RAB38: variants seen among roughly 807,000 people sequenced by gnomAD.
RAB38 encodes the protein RAB38, member RAS oncogene family.
Under a neutral mutation model 18.4 loss-of-function variants are expected in RAB38, and 15 were observed. The ratio of observed to expected loss-of-function variants is 0.82; its 90% confidence interval spans 0.55 to 1.26. The LOEUF (loss-of-function observed/expected upper bound fraction) is 1.26, where lower values mean the gene tolerates loss of function less well. RAB38 is among the 50% of genes most tolerant of loss of function. The pLI, the probability that RAB38 is intolerant of heterozygous loss-of-function variation, is 0.00. For synonymous variants in RAB38, 101 were observed against 104.4 expected (o/e 0.97, Z 0.20); for missense variants, 294 against 267.4 (o/e 1.10, Z -0.69).
chr11:87,886,830 T>G, the RAB38 span, among the ~76,000 whole-genome samples: 1 of 151,510 alleles, frequency 6.6e-6, no homozygotes, highest in African/African-American at 2.4e-5. Context: ...ACTTGTTTTT[T>G]TTTTTTTTTT....
At chr11:87,968,906 G>C in the RAB38 span, among the ~76,000 whole-genome samples, 1 of 152,134 alleles carries the variant, frequency 6.6e-6, no homozygotes, top group Non-Finnish European at 1.5e-5. Context: ...AACAGTAGGA[G>C]GATGGGGGGC....
chr11:88,140,958 C>T (rs1942904542), intron 2 of RAB38, among the ~76,000 whole-genome samples: 1 of 152,090 alleles, frequency 6.6e-6, no homozygotes, highest in South Asian at 2.1e-4. Flanking sequence ...TGAGTGATAT[C>T]CAAGTAGAGA....
At chr11:88,065,550 G>C in the RAB38 span, among the ~76,000 whole-genome samples, 2 of 152,208 alleles carry the variant, frequency 1.3e-5, no homozygotes, top group Non-Finnish European at 2.9e-5. Context: ...CTTTCGGGAA[G>C]AGTTAGAGCA....
At chr11:87,808,520 G>C in the RAB38 span, among the ~76,000 whole-genome samples, 1 of 152,170 alleles carries the variant, frequency 6.6e-6, no homozygotes. Flanking sequence ...GAAGAAGAAT[G>C]ATGGTCACCA....
the RAB38 span, among the ~76,000 whole-genome samples, chr11:87,963,904 C>T: frequency 6.6e-6 from 1 of 152,024 alleles, no homozygotes; most frequent in East Asian, 1.9e-4. Flanking sequence ...CATCGGCCTC[C>T]CAAAGTGCTG....
the RAB38 span, among the ~76,000 whole-genome samples, chr11:87,845,933 T>C: frequency 1.1e-4 from 17 of 152,202 alleles, no homozygotes; most frequent in African/African-American, 3.6e-4. Flanking sequence ...AATGCAAATA[T>C]CCTTCAGTAT....
chr11:88,143,243 A>C (rs1346618202), intron 2 of RAB38, among the ~76,000 whole-genome samples: 16 of 152,228 alleles, frequency 1.1e-4, no homozygotes, highest in Admixed American at 1.0e-3. Flanking sequence ...AGATTATTTC[A>C]AGGATAAGCT....
At chr11:88,117,001 T>C (rs1406688579) in intron 2 of RAB38, among the ~76,000 whole-genome samples, 1 of 152,082 alleles carries the variant, frequency 6.6e-6, no homozygotes, top group Non-Finnish European at 1.5e-5. Flanking sequence ...GTCATTTTAG[T>C]GAAAATATAA....
At chr11:87,951,650 G>A in the RAB38 span, among the ~76,000 whole-genome samples, 1 of 152,124 alleles carries the variant, frequency 6.6e-6, no homozygotes, top group Non-Finnish European at 1.5e-5. Flanking sequence ...GTTGGAGTTT[G>A]CTAGAGGTCC....
At chr11:88,022,852 TA>T in the RAB38 span, among the ~76,000 whole-genome samples, 1 of 152,154 alleles carries the variant, frequency 6.6e-6, no homozygotes, top group Non-Finnish European at 1.5e-5. Flanking sequence ...GCAATGAACA[TA>T]TGCATGCATG....
At chr11:88,033,412 T>C in the RAB38 span, among the ~76,000 whole-genome samples, 6 of 152,032 alleles carry the variant, frequency 3.9e-5, no homozygotes, top group African/African-American at 1.4e-4. Flanking sequence ...AGAAAGTATT[T>C]GATTAACATG....
the RAB38 span, among the ~76,000 whole-genome samples, chr11:88,007,918 C>T: frequency 6.6e-6 from 1 of 151,936 alleles, no homozygotes; most frequent in Non-Finnish European, 1.5e-5. Context: ...AAGGAATGAA[C>T]CACTGTAAAT....
At chr11:87,843,602 A>G in the RAB38 span, among the ~76,000 whole-genome samples, 1 of 152,222 alleles carries the variant, frequency 6.6e-6, no homozygotes, top group Non-Finnish European at 1.5e-5. Flanking sequence ...ACCCGATTTG[A>G]AATCTCAGCT....
the RAB38 span, among the ~76,000 whole-genome samples, chr11:88,075,400 G>T: frequency 6.6e-6 from 1 of 152,070 alleles, no homozygotes; most frequent in Non-Finnish European, 1.5e-5. Context: ...AGGAGCCTCA[G>T]AAGATATACA....
chr11:88,106,187 A>AG, the RAB38 span, among the ~76,000 whole-genome samples: 1 of 151,518 alleles, frequency 6.6e-6, no homozygotes, highest in Non-Finnish European at 1.5e-5. Flanking sequence ...TATCACAGAG[A>AG]GAAAAAAAAG....
chr11:88,122,386 A>T (rs1942641573), intron 2 of RAB38, among the ~76,000 whole-genome samples: 1 of 152,252 alleles, frequency 6.6e-6, no homozygotes, highest in Non-Finnish European at 1.5e-5. Context: ...AAGAAAGAAT[A>T]AAGATAAGCA....
chr11:87,895,316 T>C, the RAB38 span, among the ~76,000 whole-genome samples: 1 of 151,684 alleles, frequency 6.6e-6, no homozygotes, highest in East Asian at 2.0e-4. Flanking sequence ...TCAAATACAG[T>C]ACATAAATTG....
chr11:87,959,239 A>G, the RAB38 span, among the ~76,000 whole-genome samples: 3 of 152,172 alleles, frequency 2.0e-5, no homozygotes, highest in African/African-American at 7.2e-5. Flanking sequence ...ATTGTGATTA[A>G]GGGAATCAAA....
intron 1 of RAB38, among the ~76,000 whole-genome samples, chr11:88,152,981 G>A (rs1943081641): frequency 6.6e-6 from 1 of 152,236 alleles, no homozygotes; most frequent in Non-Finnish European, 1.5e-5. Context: ...TCATAGCAGT[G>A]TAGATGTGGC....
Sources: allele counts gnomAD v4.1 joint callset (sites outside exome capture counted in the v4.1 genomes callset), GRCh38; gene constraint gnomAD v4.1.1; transcripts MANE v1.5; gene names NCBI Gene and HGNC (gene_info 2026-07-23, HGNC 2026-07-21).